The following PCDHGA9 variants were observed in gnomAD, a reference collection of about 807,000 sequenced individuals.
PCDHGA9 encodes the protein protocadherin gamma-A9.
Under a neutral mutation model 62.5 loss-of-function variants are expected in PCDHGA9, and 37 were observed. That is an observed-to-expected ratio of 0.59 (90% CI 0.46 to 0.78). The LOEUF (loss-of-function observed/expected upper bound fraction) is 0.78, where lower values mean the gene tolerates loss of function less well. Ranked by LOEUF, PCDHGA9 falls within the 30% of genes least tolerant of loss-of-function variation. The pLI is 0.00. For missense variants in PCDHGA9, 1,138 were observed against 1,166.2 expected, an observed-to-expected ratio of 0.98 and a Z score of 0.35; for synonymous variants, 459 against 484.6, an observed-to-expected ratio of 0.95 and a Z score of 0.69.
chr5:141,433,643 C>A (rs899772934), intron 1 of PCDHGA9, among the ~76,000 whole-genome samples: 13 of 152,070 alleles, frequency 8.5e-5, no homozygotes, highest in African/African-American at 2.7e-4. Context: ...TGAGACCAGC[C>A]TGACCAACAT....
At chr5:141,441,073 G>A (rs1591647632) in intron 1 of PCDHGA9, 1 of 152,152 alleles carries the variant, frequency 6.6e-6, no homozygotes, top group Non-Finnish European at 1.5e-5. Flanking sequence ...AATTTCCATG[G>A]TTTTGGTAGC....
chr5:141,423,927 T>A, intron 1 of PCDHGA9: 1 of 1,240,434 alleles, frequency 8.1e-7, no homozygotes, highest in Non-Finnish European at 1.0e-6. Context: ...TATGCTGGTT[T>A]GGTTTGAAGT....
In PCDHGA9 at chr5:141,489,958, C is replaced by T; in HGVS notation, c.2425-4849C>T. 1 of 1,614,202 alleles carries T rather than the reference C, an allele frequency of 6.2e-7. No individual in the cohort carries two copies. The highest frequency in any genetic ancestry group is 8.5e-7 in the Non-Finnish European group (1 of 1,180,016). On this transcript the variant is annotated intron_variant, in intron 1 of 3. Transcript: ENST00000573521. This position sits in a 1 kb window ranked among gnomAD's most constrained non-coding sequence, Gnocchi z 4.5. ...CGTGCTGGACATCAATGATAATGCT[C>T]CAACCTTCCAATCCTCAGTTCTACG... is the stretch of plus-strand genomic sequence containing the variant.
rs918375556 is a variant in PCDHGA9, at chr5:141,489,318, G to C, written c.2425-5489G>C. 6.3e-7 allele frequency: 1 copy of C among 1,598,974 alleles called. No individual in the cohort carries two copies. Among genetic ancestry groups the C allele is most frequent in the African/African-American group, 1.3e-5 (1 of 74,510 alleles). On this transcript the variant is annotated intron_variant, in intron 1 of 3. Coordinates refer to ENST00000573521, the MANE Select transcript of PCDHGA9 (RefSeq NM_018921.3). The surrounding 1 kb of genome is among the most constrained non-coding windows in gnomAD (Gnocchi z 4.5). ...TGTTGTCCTTGTGCTGCTGGGGCTG[G>C]GTGTCTGGGCAGCTTCGTTACTCAG...
Position 141,431,794 on chromosome 5 carries a change from A to C in PCDHGA9, c.2424+26418A>C. On this transcript the variant is annotated intron_variant, in intron 1 of 3. Coordinates refer to ENST00000573521, the MANE Select transcript of PCDHGA9 (RefSeq NM_018921.3). The surrounding 1 kb of genome is among the most constrained non-coding windows in gnomAD (Gnocchi z 4.8). ...TTCTGGACGTGAACGACAATGCCCC[A>C]GAAGTGGTCCTCACCTCTCTCGCCA... 1 of 1,614,260 alleles carries C rather than the reference A, an allele frequency of 6.2e-7. No individual in the cohort carries two copies. Among genetic ancestry groups the C allele is most frequent in the Non-Finnish European group, 8.5e-7 (1 of 1,180,046 alleles).
intron 1 of PCDHGA9, among the ~76,000 whole-genome samples, chr5:141,445,531 C>A (rs1476079791): frequency 6.6e-6 from 1 of 152,136 alleles, no homozygotes; most frequent in Non-Finnish European, 1.5e-5. Flanking sequence ...TGATAAAAGC[C>A]AACAAGGAGA....
Position 141,477,588 on chromosome 5 carries a change from G to T in PCDHGA9, c.2425-17219G>T. 1 of 1,614,152 alleles carries T rather than the reference G, an allele frequency of 6.2e-7. No individual in the cohort carries two copies. The highest frequency in any genetic ancestry group is 8.5e-7 in the Non-Finnish European group (1 of 1,180,040). ...GACCCCGACGCCCCGCAGAATGCTCGGCTTTCTTTCTTTCTCTTGGAGCAA... is the reference window on the plus strand; with the variant it reads ...GACCCCGACGCCCCGCAGAATGCTCTGCTTTCTTTCTTTCTCTTGGAGCAA... On this transcript the variant is annotated intron_variant, in intron 1 of 3. Coordinates refer to ENST00000573521, the MANE Select transcript of PCDHGA9 (RefSeq NM_018921.3). This position sits in a 1 kb window ranked among gnomAD's most constrained non-coding sequence, Gnocchi z 4.9.
Position 141,476,598 on chromosome 5 carries a change from A to G in PCDHGA9, c.2425-18209A>G, listed in dbSNP as rs1222456783. The G allele has an allele frequency of 6.2e-7, 1 of 1,614,238 alleles. No homozygotes were observed. Among genetic ancestry groups the G allele is most frequent in the South Asian group, 1.1e-5 (1 of 91,088 alleles). On this transcript the variant is annotated intron_variant, in intron 1 of 3. Transcript: ENST00000573521. This position sits in a 1 kb window ranked among gnomAD's most constrained non-coding sequence, Gnocchi z 7.6. ...CGCTTTCCGCTCGAGAGCGCGCACG[A>G]TCCCGATGTGGGAAGCAACTCTTTA... is the stretch of plus-strand genomic sequence containing the variant.
intron 1 of PCDHGA9, chr5:141,426,979 A>G (rs762085745): frequency 4.2e-5 from 19 of 456,640 alleles, no homozygotes; most frequent in Non-Finnish European, 7.5e-5. Flanking sequence ...GAGGTCACTG[A>G]TGCCAACGAT....
intron 1 of PCDHGA9, among the ~76,000 whole-genome samples, chr5:141,437,250 G>T (rs1191184272): frequency 6.6e-6 from 1 of 152,102 alleles, no homozygotes; most frequent in African/African-American, 2.4e-5. Flanking sequence ...GACTTTCCTT[G>T]TCTTTTTATG....
intron 1 of PCDHGA9, chr5:141,427,653 G>A (rs1221862562): frequency 4.1e-6 from 3 of 725,570 alleles, no homozygotes; most frequent in Non-Finnish European, 4.9e-6. Flanking sequence ...CTCCTACGTG[G>A]TCCACGTGGC....
chr5:141,473,879 C>G (rs937312573), intron 1 of PCDHGA9, among the ~76,000 whole-genome samples: 2 of 152,120 alleles, frequency 1.3e-5, no homozygotes, highest in Admixed American at 1.3e-4. Context: ...AATGCATACA[C>G]AAGGGTTCTG....
intron 1 of PCDHGA9, chr5:141,415,846 G>A: frequency 3.2e-6 from 4 of 1,240,536 alleles, no homozygotes; most frequent in Non-Finnish European, 4.2e-6. Flanking sequence ...TAGCTTTGCA[G>A]AACCTTGTAG....
intron 1 of PCDHGA9, among the ~76,000 whole-genome samples, chr5:141,473,390 A>T (rs554428702): frequency 1.3e-5 from 2 of 152,190 alleles, no homozygotes; most frequent in Non-Finnish European, 2.9e-5. Flanking sequence ...GCCCTCCTGG[A>T]GCTTCTTTTT....
intron 1 of PCDHGA9, chr5:141,413,858 G>T: frequency 6.2e-7 from 1 of 1,613,258 alleles, no homozygotes; most frequent in Non-Finnish European, 8.5e-7. Context: ...CTCCGATCTG[G>T]CACTGTCCTT....
At position 141,511,424 on chromosome 5, in the gene PCDHGA9, G is replaced by A. The variant is rs939906846; in HGVS notation, c.*251G>A. 10 of 810,392 alleles carry A rather than the reference G, an allele frequency of 1.2e-5. No homozygotes were observed. Among genetic ancestry groups the A allele is most frequent in the East Asian group, 3.0e-5 (1 of 33,800 alleles). The allele number at this position is 810,392 out of a possible 1,614,324, so 50.2% of individuals were successfully genotyped here. On this transcript the variant is annotated 3_prime_UTR_variant, in exon 4 of 4. Transcript: ENST00000573521. The stretch of plus-strand genomic sequence containing the variant: ...ATCAACTGCTGTACCCATGGGGGTA[G>A]TGGGGTTACTGTAGACACCAAGAAC...
At chr5:141,479,120 A>T (rs1278879959) in intron 1 of PCDHGA9, among the ~76,000 whole-genome samples, 1 of 152,232 alleles carries the variant, frequency 6.6e-6, no homozygotes, top group Non-Finnish European at 1.5e-5. Context: ...TTCTACTGGA[A>T]ATGATGTGCA....
chr5:141,486,416 C>T lies in PCDHGA9; in HGVS notation c.2425-8391C>T, dbSNP rs2154580601. The T allele has an allele frequency of 6.2e-7, 1 of 1,614,152 alleles. No individual in the cohort carries two copies. The highest frequency in any genetic ancestry group is 8.5e-7 in the Non-Finnish European group (1 of 1,180,016). On this transcript the variant is annotated intron_variant, in intron 1 of 3. Coordinates refer to ENST00000573521, the MANE Select transcript of PCDHGA9 (RefSeq NM_018921.3). This position sits in a 1 kb window ranked among gnomAD's most constrained non-coding sequence, Gnocchi z 5.0. ...CCTGGTGACTGCTGGACCCTTGGAT[C>T]GAGAGGCCAAATCTAGCTATGACAT...
intron 1 of PCDHGA9, chr5:141,419,504 C>T (rs577411043): frequency 4.7e-5 from 75 of 1,612,298 alleles, no homozygotes; most frequent in South Asian, 2.7e-4. Flanking sequence ...TGTGAGCCTG[C>T]GCGTGTTGGT....
Sources: gnomAD v4.1 joint callset for allele counts (sites outside exome capture counted in the v4.1 genomes callset) on GRCh38, gnomAD v4.1.1 for gene constraint, Gnocchi (gnomAD v3.1) non-coding constraint, MANE v1.5 for transcripts, NCBI Gene and HGNC (gene_info 2026-07-23, HGNC 2026-07-21) for gene names.